ATP2B1: variants seen among roughly 807,000 people sequenced by gnomAD.
ATP2B1 encodes the protein ATPase plasma membrane Ca2+ transporting 1, also known as plasma membrane calcium-transporting ATPase 1.
A neutral mutation model predicts 124.2 loss-of-function variants in ATP2B1; 14 were observed. The ratio of observed to expected loss-of-function variants is 0.11; its 90% CI spans 0.07 to 0.18. ATP2B1 has a LOEUF of 0.18. Ranked by LOEUF, ATP2B1 falls within the 10% of genes least tolerant of loss-of-function variation. The pLI is 1.00. For missense variants in ATP2B1, 763 were observed against 1,466.1 expected, an observed-to-expected ratio of 0.52 and a Z score of 7.83; for synonymous variants, 449 against 492.4, an observed-to-expected ratio of 0.91 and a Z score of 1.17.
intron 20 of ATP2B1, chr12:89,598,541 G>A (rs773354657): frequency 6.4e-7 from 1 of 1,555,216 alleles, no homozygotes; most frequent in Non-Finnish European, 8.8e-7. Context: ...AACGTTAGGT[G>A]TGTGAAGTAG....
At chr12:89,607,828 T>G (rs377560836) in intron 15 of ATP2B1, among the ~76,000 whole-genome samples, 2 of 152,266 alleles carry the variant, frequency 1.3e-5, no homozygotes, top group African/African-American at 4.8e-5. Context: ...CCATCCATAT[T>G]TTTTGTCCCG....
At chr12:89,607,296 T>C (rs1423933940) in intron 15 of ATP2B1, among the ~76,000 whole-genome samples, 1 of 152,180 alleles carries the variant, frequency 6.6e-6, no homozygotes, top group Admixed American at 6.5e-5. Flanking sequence ...TCTAGTTAGA[T>C]TGAAAAACTT....
At chr12:89,645,136 A>G (rs1253547062) in intron 2 of ATP2B1, among the ~76,000 whole-genome samples, 1 of 152,118 alleles carries the variant, frequency 6.6e-6, no homozygotes. Context: ...AGTTGGCCAA[A>G]CTTACAAGGT....
chr12:89,667,293 G>T (rs1347377022), intron 1 of ATP2B1, among the ~76,000 whole-genome samples: 1 of 152,052 alleles, frequency 6.6e-6, no homozygotes, highest in Non-Finnish European at 1.5e-5. Flanking sequence ...TGACAGTACT[G>T]TTCCCTCCTG....
intron 20 of ATP2B1, among the ~76,000 whole-genome samples, chr12:89,597,089 C>A (rs1874764045): frequency 1.3e-5 from 2 of 152,060 alleles, no homozygotes; most frequent in Non-Finnish European, 2.9e-5. Context: ...TACTAGGCTG[C>A]AGGTTCTGGA....
In ATP2B1 at chr12:89,630,489, A is replaced by G; in HGVS notation, c.928+16T>C. Reference sequence around the variant, plus strand: ...CCTATTTCCAAATACCAATTATAGAAAATTGTTATTCTTACTTTTCTTTTC... The same window carrying G: ...CCTATTTCCAAATACCAATTATAGAGAATTGTTATTCTTACTTTTCTTTTC... On this transcript the variant is annotated intron_variant, in intron 6 of 20. Transcript: ENST00000428670. The G allele has an allele frequency of 6.6e-7, 1 of 1,525,346 alleles. No individual in the cohort carries two copies. Among genetic ancestry groups the G allele is most frequent in the Non-Finnish European group, 8.8e-7 (1 of 1,131,992 alleles). 94.5% of individuals were successfully genotyped at this position (1,525,346 alleles called of 1,614,324 possible).
intron 1 of ATP2B1, among the ~76,000 whole-genome samples, chr12:89,669,122 TTTTCTTGTGTACA>T (rs962150323): frequency 3.0e-4 from 45 of 152,164 alleles, no homozygotes; most frequent in African/African-American, 8.9e-4. Flanking sequence ...CTTTTGTGCA[TTTTCTTGTGTACA>T]TTTCTTGTGT....
chr12:89,655,498 A>G lies in ATP2B1; in HGVS notation c.208+181T>C, dbSNP rs536397600. On this transcript the variant is annotated intron_variant, in intron 2 of 20. Transcript: ENST00000428670. ...TAAAACATATAAATTAATTTGCAAC[A>G]TTTATGTGTTAATATAAAAATACTT... 7 of 624,692 alleles carry G rather than the reference A, an allele frequency of 1.1e-5. No individual in the cohort carries two copies. The African/African-American group carries it at 1.3e-4, about 11-fold the overall frequency. The allele number at this position is 624,692 out of a possible 1,614,324, so 38.7% of individuals were successfully genotyped here. A position where few individuals can be genotyped will look rare whatever the true frequency, so the allele number is the denominator to read the frequency against.
rs1037975839 is a variant in ATP2B1 at position 89,626,752 on chromosome 12, T to C, written c.968-137A>G. 1.8e-5 allele frequency: 17 copies of C among 966,520 alleles called. No individual in the cohort carries two copies. In the African/African-American group the frequency reaches 2.7e-4, roughly 15 times the overall value. The allele number at this position is 966,520 out of a possible 1,614,324, so 59.9% of individuals were successfully genotyped here. The stretch of plus-strand genomic sequence containing the variant: ...GCATTCAGCTTTGTGAGTGTGTGTG[T>C]GTGTCTACACAGAGAAAATAAGACA... On this transcript the variant is annotated intron_variant, in intron 7 of 20. Coordinates refer to ENST00000428670, the MANE Select transcript of ATP2B1 (RefSeq NM_001366521.1).
intron 19 of ATP2B1, among the ~76,000 whole-genome samples, chr12:89,600,673 A>G (rs934119950): frequency 6.7e-6 from 1 of 149,628 alleles, no homozygotes; most frequent in Non-Finnish European, 1.5e-5. Context: ...TTTGAGATGA[A>G]GTCTCGCTCT....
intron 1 of ATP2B1, among the ~76,000 whole-genome samples, chr12:89,677,971 T>TATATATATATACACACACAC (rs1461216851): frequency 1.9e-5 from 1 of 52,308 alleles, no homozygotes; most frequent in African/African-American, 7.0e-5. Context: ...TATATATATA[T>TATATATATATACACACACAC]ACACACACAC....
In ATP2B1 at chr12:89,604,188, C is replaced by A. The variant is rs184422251; in HGVS notation, c.2601G>T (p.Val867=). The A allele has an allele frequency of 6.2e-7, 1 of 1,613,944 alleles. No homozygotes were observed. The highest frequency in any genetic ancestry group is 2.2e-5 in the East Asian group (1 of 44,850). The change falls in exon 16 of 21, where the codon GTG becomes GTT. Residue 867 remains valine, a synonymous_variant. Coordinates refer to ENST00000428670, the MANE Select transcript of ATP2B1 (RefSeq NM_001366521.1). The stretch of plus-strand genomic sequence containing the variant: ...TGCAGGCGCCCGTAAAAGCAACAAT[C>A]ACTGCTACTACATTAACAGTAAGTT... ...QFQLTVNVVA[V]IVAFTGACIT...
At chr12:89,659,915 C>CAA (rs1234238576) in intron 1 of ATP2B1, among the ~76,000 whole-genome samples, 13 of 42,424 alleles carry the variant, frequency 3.1e-4, no homozygotes, top group East Asian at 6.2e-4. Context: ...AAGCGAGACT[C>CAA]AAAAAAAAAA....
intron 10 of ATP2B1, among the ~76,000 whole-genome samples, chr12:89,621,016 T>A (rs937220510): frequency 6.6e-6 from 1 of 152,150 alleles, no homozygotes; most frequent in Non-Finnish European, 1.5e-5. Context: ...ATAAATAAGA[T>A]TTTTAAAACT....
chr12:89,679,514 C>G (rs1889078274), intron 1 of ATP2B1, among the ~76,000 whole-genome samples: 1 of 152,212 alleles, frequency 6.6e-6, no homozygotes, highest in African/African-American at 2.4e-5. Context: ...ATCCCAATCT[C>G]TCTTTTCCCC....
chr12:89,603,809 A>G lies in ATP2B1; in HGVS notation c.2751T>C (p.Tyr917=), dbSNP rs1876326705. The stretch of plus-strand genomic sequence containing the variant: ...GTGAGATGAGAGGCTTATTTCTACC[A>G]TAAGGTTTCCGAAGCAAGAGAGACT... ...PTESLLLRKP[Y]GRNKPLISRT... is the part of the protein sequence containing the mutation. The change falls in exon 17 of 21, where the codon TAT becomes TAC. Residue 917 remains tyrosine, a synonymous_variant. Transcript: ENST00000428670. The surrounding 1 kb of genome is among the most constrained non-coding windows in gnomAD (Gnocchi z 4.3). 2 of 1,614,170 alleles carry G rather than the reference A, an allele frequency of 1.2e-6. No individual in the cohort carries two copies. Among genetic ancestry groups the G allele is most frequent in the African/African-American group, 1.3e-5 (1 of 75,058 alleles).
At chr12:89,658,641 G>T (rs182585786) in intron 1 of ATP2B1, among the ~76,000 whole-genome samples, 72 of 150,330 alleles carry the variant, frequency 4.8e-4, no homozygotes, top group Non-Finnish European at 6.9e-4. Context: ...GAGAGAGAGA[G>T]AGAGAGATAG....
At chr12:89,596,177 T>C (rs1286980385) in intron 20 of ATP2B1, among the ~76,000 whole-genome samples, 1 of 151,952 alleles carries the variant, frequency 6.6e-6, no homozygotes, top group Non-Finnish European at 1.5e-5. Flanking sequence ...CTGATATCCC[T>C]CTAAATGAAA....
At chr12:89,707,460 A>G (rs1892604174) in intron 1 of ATP2B1, among the ~76,000 whole-genome samples, 1 of 152,226 alleles carries the variant, frequency 6.6e-6, no homozygotes, top group Non-Finnish European at 1.5e-5. Context: ...ACACGTATGA[A>G]AAAAATCTAT....
Sources: allele counts gnomAD v4.1 joint callset (sites outside exome capture counted in the v4.1 genomes callset), GRCh38; gene constraint gnomAD v4.1.1; non-coding constraint Gnocchi (gnomAD v3.1); transcripts MANE v1.5; gene names NCBI Gene and HGNC (gene_info 2026-07-23, HGNC 2026-07-21).